CSMD1: variants seen among roughly 807,000 people sequenced by gnomAD.
The protein encoded by CSMD1 is CUB and Sushi multiple domains 1.
In CSMD1, 213 loss-of-function variants were observed where a neutral mutation model predicts 417.5. The ratio of observed to expected loss-of-function variants is 0.51; its 90% CI spans 0.46 to 0.57. CSMD1 has a LOEUF of 0.57. Among genes scored for constraint, CSMD1 ranks in the 20% least tolerant of loss-of-function variants. CSMD1 has a pLI of 0.00. For synonymous variants in CSMD1, 2,862 were observed against 1,736.8 expected, an observed-to-expected ratio of 1.65 and a Z score of -16.11; for missense variants, 6,923 against 4,529.7, an observed-to-expected ratio of 1.53 and a Z score of -15.17.
chr8:3,901,633 A>T (rs935694999), intron 5 of CSMD1, among the ~76,000 whole-genome samples: 27 of 152,142 alleles, frequency 1.8e-4, no homozygotes, highest in Non-Finnish European at 3.7e-4. Context: ...CCGAAGTAAA[A>T]CAGTATCTGG....
chr8:3,368,410 C>T (rs1338753050), intron 19 of CSMD1, among the ~76,000 whole-genome samples: 2 of 152,124 alleles, frequency 1.3e-5, no homozygotes, highest in Admixed American at 6.5e-5. Flanking sequence ...AATCTCAGCT[C>T]ACTGCAACTT....
chr8:3,366,511 T>A (rs1263174331), intron 20 of CSMD1, among the ~76,000 whole-genome samples: 1 of 152,216 alleles, frequency 6.6e-6, no homozygotes, highest in African/African-American at 2.4e-5. Context: ...AATAAAGATG[T>A]TACCTAACTT....
chr8:4,002,228 C>T (rs536272939), intron 4 of CSMD1, among the ~76,000 whole-genome samples: 26 of 151,736 alleles, frequency 1.7e-4, no homozygotes, highest in South Asian at 4.2e-4. Context: ...AGTGTGTGTG[C>T]ATGTGTGTGC....
intron 10 of CSMD1, among the ~76,000 whole-genome samples, chr8:3,555,759 C>T (rs1188983190): frequency 1.3e-5 from 2 of 152,162 alleles, no homozygotes; most frequent in Non-Finnish European, 2.9e-5. Context: ...TTCTGTATCT[C>T]TAATTTTAGA....
At chr8:3,644,966 GAAAAAAAAA>G (rs71203456) in intron 7 of CSMD1, among the ~76,000 whole-genome samples, 2 of 64,544 alleles carry the variant, frequency 3.1e-5, no homozygotes, top group African/African-American at 8.0e-5. Flanking sequence ...GGCTTTAAAT[GAAAAAAAAA>G]AAAAAAAAAA....
chr8:4,700,299 G>A (rs1040494244), intron 1 of CSMD1, among the ~76,000 whole-genome samples: 5 of 151,742 alleles, frequency 3.3e-5, no homozygotes, highest in Admixed American at 1.3e-4. Context: ...ATAAACCAAC[G>A]TGAATGTTTT....
At chr8:3,762,422 C>T (rs986224427) in intron 5 of CSMD1, among the ~76,000 whole-genome samples, 1 of 152,324 alleles carries the variant, frequency 6.6e-6, no homozygotes, top group East Asian at 1.9e-4. Context: ...CCTGACACGC[C>T]AGACTTACCC....
At chr8:4,006,567 G>A (rs962978058) in intron 4 of CSMD1, among the ~76,000 whole-genome samples, 6 of 152,018 alleles carry the variant, frequency 3.9e-5, no homozygotes, top group African/African-American at 9.7e-5. Flanking sequence ...AATAAATAAT[G>A]GCAATATTCT....
At chr8:3,099,836 C>T (rs751606178) in intron 46 of CSMD1, among the ~76,000 whole-genome samples, 2 of 152,144 alleles carry the variant, frequency 1.3e-5, no homozygotes, top group South Asian at 4.1e-4. Context: ...ATAATTCCCA[C>T]TAGTTTACAG....
chr8:3,177,756 A>G (rs7004481), intron 37 of CSMD1, among the ~76,000 whole-genome samples: 22,805 of 152,146 alleles, frequency 0.15, 2,959 homozygotes, highest in East Asian at 0.34. Flanking sequence ...ACTGAGTTCA[A>G]TAACAGTCAC....
intron 52 of CSMD1, among the ~76,000 whole-genome samples, chr8:3,003,932 T>G (rs1376864049): frequency 6.6e-6 from 1 of 152,210 alleles, no homozygotes; most frequent in African/African-American, 2.4e-5. Flanking sequence ...CAGTTATACA[T>G]TTGCTAGGAG....
intron 14 of CSMD1, among the ~76,000 whole-genome samples, chr8:3,407,614 G>C (rs994491108): frequency 2.0e-5 from 3 of 152,172 alleles, no homozygotes; most frequent in African/African-American, 7.2e-5. Flanking sequence ...TGAATGGATG[G>C]ATGGATAAAT....
chr8:4,043,854 A>T (rs1444694377), intron 3 of CSMD1, among the ~76,000 whole-genome samples: 2 of 152,232 alleles, frequency 1.3e-5, no homozygotes, highest in East Asian at 3.8e-4. Flanking sequence ...TACAAAAATG[A>T]TGAGACACAG....
chr8:3,739,625 G>C (rs1391676731), intron 6 of CSMD1, among the ~76,000 whole-genome samples: 1 of 152,084 alleles, frequency 6.6e-6, no homozygotes, highest in South Asian at 2.1e-4. Context: ...AGGCCTTTCT[G>C]TGCTGAACAT....
At chr8:4,469,554 A>C (rs561391108) in intron 2 of CSMD1, among the ~76,000 whole-genome samples, 2 of 152,200 alleles carry the variant, frequency 1.3e-5, no homozygotes, top group African/African-American at 2.4e-5. Context: ...TTAACGGCAA[A>C]CCTATTCTTT....
At chr8:3,806,130 C>G (rs1027111428) in intron 5 of CSMD1, among the ~76,000 whole-genome samples, 1 of 152,084 alleles carries the variant, frequency 6.6e-6, no homozygotes, top group African/African-American at 2.4e-5. Context: ...ATGAAAGCAT[C>G]AAAACAGCAC....
intron 5 of CSMD1, among the ~76,000 whole-genome samples, chr8:3,922,233 T>A (rs1049917509): frequency 6.6e-6 from 1 of 152,120 alleles, no homozygotes; most frequent in Non-Finnish European, 1.5e-5. Context: ...AAAAATATCC[T>A]TTTCTATCTC....
At chr8:4,512,364 C>G (rs899045636) in intron 2 of CSMD1, among the ~76,000 whole-genome samples, 4 of 152,144 alleles carry the variant, frequency 2.6e-5, no homozygotes, top group Admixed American at 6.5e-5. Flanking sequence ...AGCTTTCTCA[C>G]TAAGAGCAGG....
intron 3 of CSMD1, among the ~76,000 whole-genome samples, chr8:4,065,445 G>C (rs751808478): frequency 6.6e-6 from 1 of 152,124 alleles, no homozygotes; most frequent in African/African-American, 2.4e-5. Flanking sequence ...CAATATAATA[G>C]GAAATTTGGC....
Sources: gnomAD v4.1 joint callset for allele counts (sites outside exome capture counted in the v4.1 genomes callset) on GRCh38, gnomAD v4.1.1 for gene constraint, MANE v1.5 for transcripts, NCBI Gene and HGNC (gene_info 2026-07-23, HGNC 2026-07-21) for gene names.